The following MATN2 variants were observed in gnomAD, a reference collection of about 807,000 sequenced individuals.
The protein encoded by MATN2 is matrilin 2, also known as matrilin-2.
MATN2 carries 69 observed loss-of-function variants against 103.2 expected under a neutral mutation model. The observed-to-expected ratio is 0.67, with a 90% CI of 0.55 to 0.82. The LOEUF (loss-of-function observed/expected upper bound fraction) is 0.82, where lower values mean the gene tolerates loss of function less well. MATN2 is among the 40% of genes least tolerant of loss of function. The pLI is 0.00. For synonymous variants in MATN2, 429 were observed against 450.2 expected, an observed-to-expected ratio of 0.95 and a Z score of 0.60; for missense variants, 1,023 against 1,211.5, an observed-to-expected ratio of 0.84 and a Z score of 2.31.
intron 13 of MATN2, among the ~76,000 whole-genome samples, chr8:98,022,091 A>G (rs931430410): frequency 6.6e-6 from 1 of 152,232 alleles, no homozygotes; most frequent in Non-Finnish European, 1.5e-5. Flanking sequence ...AAAAAACTGG[A>G]AACAAGCTAA....
intron 2 of MATN2, among the ~76,000 whole-genome samples, chr8:97,927,092 T>C (rs1810010347): frequency 6.6e-6 from 1 of 152,086 alleles, no homozygotes; most frequent in Non-Finnish European, 1.5e-5. Context: ...AGCTCTGGGG[T>C]TGTGGTGCAC....
At chr8:97,870,073 G>C (rs1817840258) in intron 1 of MATN2, among the ~76,000 whole-genome samples, 1 of 152,190 alleles carries the variant, frequency 6.6e-6, no homozygotes, top group East Asian at 1.9e-4. Context: ...TCAGGGACCC[G>C]TGGTCGAGAG....
chr8:98,023,720 TCACA>T (rs1276925952), intron 13 of MATN2, among the ~76,000 whole-genome samples: 4 of 152,068 alleles, frequency 2.6e-5, no homozygotes, highest in Non-Finnish European at 4.4e-5. Context: ...AGCCCAGTGC[TCACA>T]CACACTAAGT....
At position 98,033,091 on chromosome 8, in the gene MATN2, T is replaced by C. The variant is rs1468286933; in HGVS notation, c.2631T>C (p.Asn877=). ...INIQDLLSCS[N]FAVQHRYLFE... Reference sequence around the variant, plus strand: ...TCCAAGACCTACTTTCCTGTTCTAATTTTGCAGTGCAACACAGATATCTGT... The same window carrying C: ...TCCAAGACCTACTTTCCTGTTCTAACTTTGCAGTGCAACACAGATATCTGT... Residue 877 remains asparagine (N), a synonymous_variant, in exon 17 of 19, where the codon AAT becomes AAC. Coordinates refer to ENST00000254898, the MANE Select transcript of MATN2 (RefSeq NM_002380.5). The C allele has an allele frequency of 5.0e-6, 8 of 1,612,136 alleles. No homozygotes were observed. Among genetic ancestry groups the C allele is most frequent in the Non-Finnish European group, 6.8e-6 (8 of 1,179,080 alleles).
chr8:97,925,923 C>G (rs1212156240), intron 2 of MATN2, among the ~76,000 whole-genome samples: 1 of 152,120 alleles, frequency 6.6e-6, no homozygotes, highest in Non-Finnish European at 1.5e-5. Flanking sequence ...GATTACACTG[C>G]CATGATTGAA....
intron 5 of MATN2, among the ~76,000 whole-genome samples, chr8:97,978,203 TTTGTTCATTACACATA>T (rs1280890457): frequency 6.6e-6 from 1 of 152,200 alleles, no homozygotes; most frequent in East Asian, 1.9e-4. Flanking sequence ...TGAATACATT[TTTGTTCATTACACATA>T]TTTGTGTAAT....
At chr8:98,016,788 T>C in intron 11 of MATN2, 126 bp downstream of exon 11, 1 of 1,114,544 alleles carries the variant, frequency 9.0e-7, no homozygotes, top group Non-Finnish European at 1.3e-6. Flanking sequence ...TAATGTAGTG[T>C]CCTGGATAGG....
chr8:98,018,029 G>C lies in MATN2; in HGVS notation c.1732G>C (p.Glu578Gln), dbSNP rs1198540288. The C allele has an allele frequency of 6.2e-7, 1 of 1,613,830 alleles. No homozygotes were observed. Among genetic ancestry groups the C allele is most frequent in the Non-Finnish European group, 8.5e-7 (1 of 1,179,774 alleles). The change falls in exon 12 of 19, where the codon GAA becomes CAA. Residue 578 changes from glutamate (E) to glutamine (Q), a missense_variant. Physicochemically the swap from Glu to Gln is conservative, Grantham distance 29. Coordinates refer to ENST00000254898, the MANE Select transcript of MATN2 (RefSeq NM_002380.5). ...CTGCCAAGCTATAGACCATGGCTGT[G>C]AACACATTTGTGTGAACAGTGATGA... ...DVCQAIDHGC[E>Q]HICVNSDDSY...
intron 2 of MATN2, among the ~76,000 whole-genome samples, chr8:97,909,506 G>C (rs942541707): frequency 6.6e-6 from 1 of 152,120 alleles, no homozygotes; most frequent in Non-Finnish European, 1.5e-5. Flanking sequence ...TCGGGGGAAG[G>C]CCTCAGTGAG....
At chr8:97,941,182 A>AAAAAAAG (rs1810549683) in intron 3 of MATN2, among the ~76,000 whole-genome samples, 2 of 58,430 alleles carry the variant, frequency 3.4e-5, no homozygotes, top group African/African-American at 7.0e-5. Flanking sequence ...AAAAAAAAAA[A>AAAAAAAG]AAAGAAAGAA....
Position 97,988,008 on chromosome 8 carries a change from A to G in MATN2, c.1082-6472A>G, listed in dbSNP as rs191425469. Among the ~76,000 whole-genome samples the G allele has an allele frequency of 4.1e-3, 615 of 151,410 alleles. 2 individuals carry two copies. The highest frequency in any genetic ancestry group is 7.2e-3 in the Non-Finnish European group (489 of 67,898). On this transcript the variant is annotated intron_variant, in intron 6 of 18. Transcript: ENST00000254898. ...GGAATGAGAAAGTGGACATCAATAC[A>G]TATCCTACAAACTTTGAAGCATAAT... is the stretch of plus-strand genomic sequence containing the variant.
rs112287167 is a variant in MATN2 at position 98,014,632 on chromosome 8, C to T, written c.1574-1908C>T. Among the ~76,000 whole-genome samples, 455 of 152,212 alleles carry T rather than the reference C, an allele frequency of 3.0e-3. 2 individuals are homozygous for T. The highest frequency in any genetic ancestry group is 0.01 in the African/African-American group (429 of 41,516). On this transcript the variant is annotated intron_variant, in intron 10 of 18. Transcript: ENST00000254898. ...AGCAATGTAGTATAGTCAGAAAATA[C>T]GGGGATTTATTTATAAGATTACAAT...
At chr8:97,935,410 T>C (rs1396516520) in intron 3 of MATN2, among the ~76,000 whole-genome samples, 1 of 152,262 alleles carries the variant, frequency 6.6e-6, no homozygotes, top group Non-Finnish European at 1.5e-5. Flanking sequence ...GATGCTCTTA[T>C]AGTTCCCATT....
intron 5 of MATN2, among the ~76,000 whole-genome samples, chr8:97,974,806 G>C (rs1402672622): frequency 2.0e-5 from 3 of 152,182 alleles, no homozygotes; most frequent in Non-Finnish European, 4.4e-5. Flanking sequence ...ACACATACAG[G>C]TTTGGAAACA....
intron 2 of MATN2, among the ~76,000 whole-genome samples, chr8:97,895,162 C>T (rs951579428): frequency 2.6e-5 from 4 of 152,150 alleles, no homozygotes; most frequent in East Asian, 1.9e-4. Flanking sequence ...CGTGAGCCAC[C>T]GTGTCTGGCT....
At chr8:97,925,163 G>A (rs751943623) in intron 2 of MATN2, among the ~76,000 whole-genome samples, 14 of 152,130 alleles carry the variant, frequency 9.2e-5, no homozygotes, top group Admixed American at 5.9e-4. Context: ...GGTACACAGC[G>A]GGTGGATTGG....
At chr8:97,870,523 GAAA>G (rs61300419) in intron 1 of MATN2, among the ~76,000 whole-genome samples, 2 of 146,586 alleles carry the variant, frequency 1.4e-5, no homozygotes, top group Non-Finnish European at 3.0e-5. Flanking sequence ...CGTCTCAAAA[GAAA>G]AAAAAAAAGA....
chr8:98,018,608 C>T (rs36015574), intron 12 of MATN2, among the ~76,000 whole-genome samples: 12,075 of 152,226 alleles, frequency 0.079, 715 homozygotes, highest in Non-Finnish European at 0.12. Flanking sequence ...CACAGTTCCA[C>T]TTGGCTGGAG....
chr8:98,029,547 CAG>C (rs1312869645), intron 14 of MATN2, among the ~76,000 whole-genome samples: 2 of 152,188 alleles, frequency 1.3e-5, no homozygotes, highest in Non-Finnish European at 2.9e-5. Context: ...GTATAGCAAA[CAG>C]AATCTTAAAA....
Sources: gnomAD v4.1 joint callset for allele counts (sites outside exome capture counted in the v4.1 genomes callset) on GRCh38, gnomAD v4.1.1 for gene constraint, MANE v1.5 for transcripts, NCBI Gene and HGNC (gene_info 2026-07-23, HGNC 2026-07-21) for gene names.